EML6: variants seen among roughly 807,000 people sequenced by gnomAD.
EML6 encodes EMAP like 6.
Under a neutral mutation model 240.1 loss-of-function variants are expected in EML6, and 154 were observed. The ratio of observed to expected loss-of-function variants is 0.64; its 90% confidence interval spans 0.56 to 0.73. EML6 has a LOEUF of 0.73. Among genes scored for constraint, EML6 ranks in the 30% least tolerant of loss-of-function variants. EML6 has a pLI of 0.00. For synonymous variants in EML6, 1,148 were observed against 899.0 expected, an observed-to-expected ratio of 1.28 and a Z score of -4.95; for missense variants, 2,964 against 2,474.6, an observed-to-expected ratio of 1.20 and a Z score of -4.20.
chr2:54,961,200 T>TTTTTTTTTTTTTTTTTTTTTTTTTTTG (rs1558729674), intron 35 of EML6, among the ~76,000 whole-genome samples: 1 of 135,212 alleles, frequency 7.4e-6, no homozygotes. Context: ...TTTTTTTTTT[T>TTTTTTTTTTTTTTTTTTTTTTTTTTTG]TTTGAGACGG....
At chr2:54,801,226 A>G (rs1670123958) in intron 2 of EML6, among the ~76,000 whole-genome samples, 1 of 151,788 alleles carries the variant, frequency 6.6e-6, no homozygotes, top group Admixed American at 6.6e-5. Flanking sequence ...AGGCTGGGGC[A>G]GGAGAGTGAA....
chr2:54,881,917 G>A (rs1353667063), intron 17 of EML6: 2 of 152,184 alleles, frequency 1.3e-5, no homozygotes, highest in Non-Finnish European at 2.9e-5. Context: ...ACCACTCATC[G>A]CCCAGGAAGT....
chr2:54,847,409 A>G, intron 8 of EML6, 77 bp from the exon 9 acceptor site: 9 of 1,464,070 alleles, frequency 6.1e-6, no homozygotes, highest in Non-Finnish European at 8.3e-6. Context: ...TGTGGTGAGC[A>G]GCCCTTCTTG....
At chr2:54,906,872 T>C (rs891034384) in intron 24 of EML6, among the ~76,000 whole-genome samples, 2 of 152,328 alleles carry the variant, frequency 1.3e-5, no homozygotes, top group Middle Eastern at 3.4e-3. Flanking sequence ...CTCCAGAGTC[T>C]GGCAAGGTTG....
chr2:54,877,882 C>G (rs1042068322), intron 16 of EML6, among the ~76,000 whole-genome samples: 2 of 152,192 alleles, frequency 1.3e-5, no homozygotes, highest in African/African-American at 4.8e-5. Context: ...TTTTCTTTCT[C>G]TGACTCTCCT....
chr2:54,794,105 T>C (rs963726950), intron 2 of EML6, among the ~76,000 whole-genome samples: 1 of 151,356 alleles, frequency 6.6e-6, no homozygotes, highest in African/African-American at 2.5e-5. Flanking sequence ...ATAAATCTTA[T>C]CCCAGTGAAG....
At chr2:54,917,370 T>G (rs796870956) in intron 26 of EML6, among the ~76,000 whole-genome samples, 9,769 of 145,892 alleles carry the variant, frequency 0.067, 290 homozygotes, top group African/African-American at 0.095. Context: ...TTTTTTTTTT[T>G]TTTTTGTTTT....
At chr2:54,806,381 G>A (rs1670480222) in intron 2 of EML6, among the ~76,000 whole-genome samples, 1 of 152,068 alleles carries the variant, frequency 6.6e-6, no homozygotes, top group African/African-American at 2.4e-5. Context: ...GGGAGGCTGA[G>A]GTCGGTGGAT....
At position 54,930,324 on chromosome 2, in the gene EML6, G is replaced by A. The variant is rs76781012; in HGVS notation, c.4004+1573G>A. 6.6e-5 allele frequency among the ~76,000 whole-genome samples: 10 copies of A among 152,272 alleles called. No homozygotes were observed. The East Asian group carries it at 1.9e-3, about 29-fold the overall frequency. On this transcript the variant is annotated intron_variant, in intron 28 of 41. Coordinates refer to ENST00000356458, the MANE Select transcript of EML6 (RefSeq NM_001039753.4). Reference sequence around the variant, plus strand: ...CCAAGGCTCACCTAATCCTCTTCTTGTCTCATTGCCTCTTTGGGCAAATCT... The same window carrying A: ...CCAAGGCTCACCTAATCCTCTTCTTATCTCATTGCCTCTTTGGGCAAATCT...
intron 2 of EML6, among the ~76,000 whole-genome samples, chr2:54,779,013 C>T (rs59516754): frequency 0.14 from 21,373 of 151,992 alleles, 1,698 homozygotes; most frequent in African/African-American, 0.2. Flanking sequence ...TAACACTTTA[C>T]ACTTTCACCT....
chr2:54,815,513 T>A (rs1668044558), intron 3 of EML6, among the ~76,000 whole-genome samples: 1 of 152,218 alleles, frequency 6.6e-6, no homozygotes, highest in African/African-American at 2.4e-5. Context: ...TCAGGAAATG[T>A]GGGTTTTACT....
intron 7 of EML6, among the ~76,000 whole-genome samples, chr2:54,840,595 A>G (rs1669391979): frequency 6.6e-6 from 1 of 152,348 alleles, no homozygotes; most frequent in East Asian, 1.9e-4. Flanking sequence ...AGGAATGAAT[A>G]TATCCCATCT....
chr2:54,804,394 C>A (rs1670353970), intron 2 of EML6, among the ~76,000 whole-genome samples: 1 of 152,228 alleles, frequency 6.6e-6, no homozygotes, highest in African/African-American at 2.4e-5. Flanking sequence ...AGTGAAACTT[C>A]TCATTAGCAA....
chr2:54,872,404 C>T (rs965652925), intron 16 of EML6, among the ~76,000 whole-genome samples: 1 of 152,008 alleles, frequency 6.6e-6, no homozygotes, highest in Non-Finnish European at 1.5e-5. Context: ...TATTAAATTC[C>T]ATGACTCCAC....
intron 2 of EML6, among the ~76,000 whole-genome samples, chr2:54,809,189 A>G (rs1670659496): frequency 1.3e-5 from 2 of 152,338 alleles, no homozygotes; most frequent in African/African-American, 4.8e-5. Context: ...AATAACTTGC[A>G]AAAGTTGCAA....
chr2:54,960,169 T>G (rs1227430579), intron 34 of EML6, 51 bp from the exon 35 acceptor site: 2 of 1,320,578 alleles, frequency 1.5e-6, no homozygotes, highest in South Asian at 1.3e-5. Flanking sequence ...GAGGGGGTAG[T>G]GGGTCTTAGG....
At chr2:54,815,198 C>T (rs1327001645) in intron 3 of EML6, among the ~76,000 whole-genome samples, 3 of 152,124 alleles carry the variant, frequency 2.0e-5, no homozygotes, top group African/African-American at 7.2e-5. Flanking sequence ...AGAATCCTAG[C>T]TATTCTCCTT....
intron 24 of EML6, among the ~76,000 whole-genome samples, chr2:54,908,516 A>G (rs1373991018): frequency 1.3e-5 from 2 of 152,222 alleles, no homozygotes; most frequent in African/African-American, 4.8e-5. Flanking sequence ...AGAGCAGGAA[A>G]GAACACCTGC....
rs372596530 is a variant in EML6 at position 54,946,053 on chromosome 2, G to A, written c.4005-2829G>A. 1.1e-4 allele frequency among the ~76,000 whole-genome samples: 17 copies of A among 152,326 alleles called. No individual in the cohort carries two copies. In the South Asian group the frequency reaches 3.5e-3, roughly 32 times the overall value. On this transcript the variant is annotated intron_variant, in intron 28 of 41. Coordinates refer to ENST00000356458, the MANE Select transcript of EML6 (RefSeq NM_001039753.4). ...TCCCTGGGCTTCCTGCCTTCACTCTGTCTTCTTGGCAGGCTTCTCCTGCTC... is the reference window on the plus strand; with the variant it reads ...TCCCTGGGCTTCCTGCCTTCACTCTATCTTCTTGGCAGGCTTCTCCTGCTC...
Sources: allele counts gnomAD v4.1 joint callset (sites outside exome capture counted in the v4.1 genomes callset), GRCh38; gene constraint gnomAD v4.1.1; transcripts MANE v1.5; gene names NCBI Gene and HGNC (gene_info 2026-07-23, HGNC 2026-07-21).